TMPRSS3: variants seen among roughly 807,000 people sequenced by gnomAD.
The protein encoded by TMPRSS3 is transmembrane protease serine 3.
A neutral mutation model predicts 59.6 loss-of-function variants in TMPRSS3; 55 were observed. The observed-to-expected ratio is 0.92, with a 90% confidence interval of 0.74 to 1.16. The LOEUF (loss-of-function observed/expected upper bound fraction) is 1.16, where lower values mean the gene tolerates loss of function less well. Among genes scored for constraint, TMPRSS3 ranks in the 50% most tolerant of loss-of-function variants. The pLI is 0.00. For missense variants in TMPRSS3, 596 were observed against 579.4 expected, an observed-to-expected ratio of 1.03 and a Z score of -0.29; for synonymous variants, 257 against 237.7, an observed-to-expected ratio of 1.08 and a Z score of -0.75.
rs1472380331 is a variant in TMPRSS3, at chr21:42,372,378, G to A, written c.*384C>T. On this transcript the variant is annotated 3_prime_UTR_variant, in exon 13 of 13. Coordinates refer to ENST00000644384, the MANE Select transcript of TMPRSS3 (RefSeq NM_001256317.3). Reference sequence around the variant, plus strand: ...GGTTTGAGAGCAGCCTGGCCAACATGGTGAAACCCTGTCTCTACTAAAAAT... The same window carrying A: ...GGTTTGAGAGCAGCCTGGCCAACATAGTGAAACCCTGTCTCTACTAAAAAT... 8 of 463,190 alleles carry A rather than the reference G, an allele frequency of 1.7e-5. No individual in the cohort carries two copies. The highest frequency in any genetic ancestry group is 3.4e-5 in the Non-Finnish European group (8 of 233,194). The allele number at this position is 463,190 out of a possible 1,614,324, so 28.7% of individuals were successfully genotyped here.
Position 42,395,400 on chromosome 21 carries a change from C to T in TMPRSS3, c.18G>A (p.Pro6=), listed in dbSNP as rs200199344. 66 of 1,614,130 alleles carry T rather than the reference C, an allele frequency of 4.1e-5. No individual in the cohort carries two copies. In the Admixed American group the frequency reaches 9.5e-4, roughly 23 times the overall value. ...ATGAGAAGGGGGCTTCAACAGCAGGCGGATCATTTTCCCCCATGGTGACTA... is the reference window on the plus strand; with the variant it reads ...ATGAGAAGGGGGCTTCAACAGCAGGTGGATCATTTTCCCCCATGGTGACTA... MGEND[P]PAVEAPFSFR... The change falls in exon 2 of 13, where the codon CCG becomes CCA. Residue 6 remains proline, a synonymous_variant. Coordinates refer to ENST00000644384, the MANE Select transcript of TMPRSS3 (RefSeq NM_001256317.3).
At chr21:42,385,039 CCCTCCCTCCCTTCCTT>C (rs2052604469) in intron 6 of TMPRSS3, among the ~76,000 whole-genome samples, 1 of 126,758 alleles carries the variant, frequency 7.9e-6, no homozygotes, top group African/African-American at 3.4e-5. Flanking sequence ...CTCTCTTCCT[CCCTCCCTCCCTTCCTT>C]CCTCCCTCCC....
chr21:42,394,061 C>T (rs1391159203), intron 2 of TMPRSS3, among the ~76,000 whole-genome samples: 2 of 152,102 alleles, frequency 1.3e-5, no homozygotes, highest in Non-Finnish European at 2.9e-5. Context: ...AGTAATGATG[C>T]CGTCGTGGGT....
chr21:42,377,431 C>T (rs2052449745), intron 10 of TMPRSS3, among the ~76,000 whole-genome samples: 1 of 152,244 alleles, frequency 6.6e-6, no homozygotes, highest in Non-Finnish European at 1.5e-5. Flanking sequence ...GAGACAGATT[C>T]CCCAAGGGCC....
rs370917143 is a variant in TMPRSS3 at position 42,383,957 on chromosome 21, C to G, written c.616+13G>C. Reference sequence around the variant, plus strand: ...TTGCTCCCCCTGGACCCCTGCCTTTCTGGAACTCTTACCTGTGCACTGCAA... The same window carrying G: ...TTGCTCCCCCTGGACCCCTGCCTTTGTGGAACTCTTACCTGTGCACTGCAA... On this transcript the variant is annotated intron_variant, in intron 7 of 12. Coordinates refer to ENST00000644384, the MANE Select transcript of TMPRSS3 (RefSeq NM_001256317.3). 8 of 1,613,958 alleles carry G rather than the reference C, an allele frequency of 5.0e-6. No homozygotes were observed. The highest frequency in any genetic ancestry group is 6.8e-6 in the Non-Finnish European group (8 of 1,179,978).
Position 42,388,541 on chromosome 21 carries a change from G to C in TMPRSS3, c.323-15C>G. 1 of 1,614,184 alleles carries C rather than the reference G, an allele frequency of 6.2e-7. No homozygotes were observed. The highest frequency in any genetic ancestry group is 8.5e-7 in the Non-Finnish European group (1 of 1,180,032). ...ACCCACCCGGACTGGCCGATGTGCA[G>C]AAAGAAAGGCTTATTAGTGGCCAGT... On this transcript the variant is annotated splice_polypyrimidine_tract_variant and intron_variant, in intron 4 of 12. Transcript: ENST00000644384. The surrounding 1 kb of genome is among the most constrained non-coding windows in gnomAD (Gnocchi z 5.1).
intron 12 of TMPRSS3, among the ~76,000 whole-genome samples, chr21:42,374,012 T>G (rs1365786854): frequency 6.6e-6 from 1 of 152,200 alleles, no homozygotes; most frequent in Non-Finnish European, 1.5e-5. Context: ...AAGGCCTCCA[T>G]GTACTGCAGA....
chr21:42,388,600 C>T lies in TMPRSS3; in HGVS notation c.323-74G>A. 2 of 1,609,254 alleles carry T rather than the reference C, an allele frequency of 1.2e-6. No homozygotes were observed. The highest frequency in any genetic ancestry group is 1.7e-6 in the Non-Finnish European group (2 of 1,177,150). On this transcript the variant is annotated intron_variant, in intron 4 of 12. Coordinates refer to ENST00000644384, the MANE Select transcript of TMPRSS3 (RefSeq NM_001256317.3). The surrounding 1 kb of genome is among the most constrained non-coding windows in gnomAD (Gnocchi z 5.1). ...GAGACCATAGGCAGGGGTTTCTCCA[C>T]AGCCAGCTCAAACCCCTCCTCTGCC...
rs201172277 is a variant in TMPRSS3 at position 42,376,575 on chromosome 21, G to A, written c.1157C>T (p.Ala386Val). 3.6e-5 allele frequency: 58 copies of A among 1,613,668 alleles called. No homozygotes were observed. The highest frequency in any genetic ancestry group is 1.3e-4 in the African/African-American group (10 of 74,940). The change falls in exon 11 of 13, where the codon GCG becomes GTG. Residue 386 changes from alanine to valine, a missense_variant. Coordinates refer to ENST00000644384, the MANE Select transcript of TMPRSS3 (RefSeq NM_001256317.3). Reference sequence around the variant, plus strand: ...GTCCACGCCACCCGTCAGGTAGCCCGCGCAGAGCATGGAGGGGGAGATGAT... The same window carrying A: ...GTCCACGCCACCCGTCAGGTAGCCCACGCAGAGCATGGAGGGGGAGATGAT... ...GGIISPSMLC[A>V]GYLTGGVDSC...
rs8130564 is a variant in TMPRSS3, at chr21:42,385,547, T to C, written c.447-13A>G. 752,156 of 1,611,910 alleles carry C rather than the reference T, an allele frequency of 0.47. 183,708 individuals carry two copies. Among genetic ancestry groups the C allele is most frequent in the African/African-American group, 0.87 (65,359 of 74,974 alleles). Reference sequence around the variant, plus strand: ...TGAACTCACATAGCTGCAAGCACATTGGAAAGACAGACCCGACGTGGTAAC... The same window carrying C: ...TGAACTCACATAGCTGCAAGCACATCGGAAAGACAGACCCGACGTGGTAAC... On this transcript the variant is annotated splice_polypyrimidine_tract_variant and intron_variant, in intron 5 of 12. Transcript: ENST00000644384.
chr21:42,375,871 G>T lies in TMPRSS3; in HGVS notation c.1192-3C>A. 2 of 1,613,520 alleles carry T rather than the reference G, an allele frequency of 1.2e-6. No individual in the cohort carries two copies. The highest frequency in any genetic ancestry group is 1.7e-6 in the Non-Finnish European group (2 of 1,179,994). ...ACCAGGGGCCCCCCGCTGTCCCCCT[G>T]GGTGACAGGAAAGAAGCAAAGATTG... On this transcript the variant is annotated splice_region_variant and splice_polypyrimidine_tract_variant and intron_variant, in intron 11 of 12. Coordinates refer to ENST00000644384, the MANE Select transcript of TMPRSS3 (RefSeq NM_001256317.3).
At chr21:42,395,621 C>A in intron 1 of TMPRSS3, 153 bp from the exon 2 acceptor site, 1 of 494,820 alleles carries the variant, frequency 2.0e-6, no homozygotes, top group East Asian at 4.3e-5. Flanking sequence ...GGTGAGAATG[C>A]ATTTTCGTCT....
At chr21:42,384,565 C>T (rs1447772152) in intron 6 of TMPRSS3, among the ~76,000 whole-genome samples, 1 of 152,170 alleles carries the variant, frequency 6.6e-6, no homozygotes, top group Non-Finnish European at 1.5e-5. Context: ...GAAAGGGATC[C>T]CAAAATCTTT....
intron 3 of TMPRSS3, 53 bp downstream of exon 3, chr21:42,389,874 T>C: frequency 2.2e-6 from 3 of 1,391,550 alleles, no homozygotes; most frequent in South Asian, 1.2e-5. Flanking sequence ...TCATGAAAGT[T>C]TAACTACTTG....
intron 7 of TMPRSS3, 50 bp from the exon 8 acceptor site, chr21:42,383,248 G>T: frequency 6.3e-7 from 1 of 1,599,336 alleles, no homozygotes; most frequent in Non-Finnish European, 8.6e-7. Flanking sequence ...ACTTCTTTGG[G>T]GGACATGGTG....
intron 3 of TMPRSS3, 198 bp from the exon 4 acceptor site, chr21:42,389,243 C>T: frequency 9.4e-7 from 1 of 1,064,874 alleles, no homozygotes; most frequent in Non-Finnish European, 1.4e-6. Flanking sequence ...CTGTGCCCCA[C>T]TTTATCTCGC....
chr21:42,385,561 C>A (rs377239692), intron 5 of TMPRSS3, 27 bp from the exon 6 acceptor site: 4 of 1,613,620 alleles, frequency 2.5e-6, no homozygotes, highest in Non-Finnish European at 2.5e-6. Context: ...AAGACAGACC[C>A]GACGTGGTAA....
intron 2 of TMPRSS3, among the ~76,000 whole-genome samples, chr21:42,394,433 G>C (rs1738261725): frequency 6.6e-6 from 1 of 152,192 alleles, no homozygotes; most frequent in South Asian, 2.1e-4. Flanking sequence ...AGCAGGAAGA[G>C]ACTTTGCAGA....
chr21:42,389,168 C>T lies in TMPRSS3; in HGVS notation c.206-123G>A, dbSNP rs867811561. ...AATAATGAAACCTGTATTGAAATTGCGTCCCTGTCAGCAGCCTGTTTCCTG... is the reference window on the plus strand; with the variant it reads ...AATAATGAAACCTGTATTGAAATTGTGTCCCTGTCAGCAGCCTGTTTCCTG... On this transcript the variant is annotated intron_variant, in intron 3 of 12. Coordinates refer to ENST00000644384, the MANE Select transcript of TMPRSS3 (RefSeq NM_001256317.3). 91 of 1,535,564 alleles carry T rather than the reference C, an allele frequency of 5.9e-5. No homozygotes were observed. In the Admixed American group the frequency reaches 1.4e-3, roughly 23 times the overall value.
Sources: gnomAD v4.1 joint callset for allele counts (sites outside exome capture counted in the v4.1 genomes callset) on GRCh38, gnomAD v4.1.1 for gene constraint, Gnocchi (gnomAD v3.1) non-coding constraint, MANE v1.5 for transcripts, NCBI Gene and HGNC (gene_info 2026-07-23, HGNC 2026-07-21) for gene names.